The following ST7L variants were observed in gnomAD, a reference collection of about 807,000 sequenced individuals.
ST7L encodes suppression of tumorigenicity 7 like, also known as suppressor of tumorigenicity 7 protein-like.
Under a neutral mutation model 72.5 loss-of-function variants are expected in ST7L, and 57 were observed. The ratio of observed to expected loss-of-function variants is 0.79; its 90% CI spans 0.64 to 0.98. ST7L has a LOEUF of 0.98. Ranked by LOEUF, ST7L falls within the 50% of genes least tolerant of loss-of-function variation. The pLI is 0.00. For synonymous variants in ST7L, 221 were observed against 240.9 expected, an observed-to-expected ratio of 0.92 and a Z score of 0.77; for missense variants, 576 against 672.2, an observed-to-expected ratio of 0.86 and a Z score of 1.58.
At chr1:112,538,825 T>G (rs1463807023) in intron 14 of ST7L, among the ~76,000 whole-genome samples, 1 of 152,218 alleles carries the variant, frequency 6.6e-6, no homozygotes, top group Non-Finnish European at 1.5e-5. Flanking sequence ...CAGCTAACAC[T>G]CACCTAGTTT....
chr1:112,532,215 A>G (rs958812900), intron 14 of ST7L, among the ~76,000 whole-genome samples: 1 of 152,240 alleles, frequency 6.6e-6, no homozygotes, highest in African/African-American at 2.4e-5. Context: ...TGAATTATGC[A>G]TAAGATTAGT....
intron 8 of ST7L, 117 bp from the exon 9 acceptor site, chr1:112,582,223 C>G (rs756412902): frequency 1.7e-5 from 16 of 916,314 alleles, no homozygotes; most frequent in Non-Finnish European, 2.7e-5. Flanking sequence ...GAAGACCTAA[C>G]CCTTAAGAAA....
chr1:112,557,499 G>A (rs1320651632), intron 11 of ST7L, among the ~76,000 whole-genome samples: 5 of 152,178 alleles, frequency 3.3e-5, no homozygotes, highest in Admixed American at 3.3e-4. Flanking sequence ...TCAACTGACA[G>A]ATATTTGGTT....
downstream of ST7L, among the ~76,000 whole-genome samples, chr1:112,519,269 A>G (rs972915305): frequency 1.3e-5 from 2 of 152,238 alleles, no homozygotes; most frequent in South Asian, 2.1e-4. Flanking sequence ...ATGAATATGT[A>G]TATTATAAAA....
intron 13 of ST7L, among the ~76,000 whole-genome samples, chr1:112,546,436 C>T (rs533989945): frequency 6.6e-6 from 1 of 151,988 alleles, no homozygotes; most frequent in East Asian, 1.9e-4. Flanking sequence ...TCAAGTTTGG[C>T]CACATGGTTG....
At chr1:112,615,183 A>T (rs1408986371) in intron 2 of ST7L, among the ~76,000 whole-genome samples, 1 of 151,976 alleles carries the variant, frequency 6.6e-6, no homozygotes, top group Non-Finnish European at 1.5e-5. Context: ...TTTTGAAGAG[A>T]CAGGGTTTTT....
chr1:112,618,821 G>A, intron 1 of ST7L, 88 bp downstream of exon 1: 4 of 1,508,720 alleles, frequency 2.7e-6, no homozygotes, highest in Middle Eastern at 1.9e-4. Context: ...GGCCCTCTAG[G>A]ACTACCGAGA....
chr1:112,582,010 C>T lies in ST7L; in HGVS notation c.1051G>A (p.Val351Ile), dbSNP rs754973633. ...ELQAYPDVQAVLAKYDDISLP... is the reference protein window; with the variant it reads ...ELQAYPDVQAILAKYDDISLP... ...GACTCACCATCATATTTTGCTAGGA[C>T]TGCCTGAACATCTGGATAGGCCTGT... The change falls in exon 9 of 15, where the codon GTC becomes ATC. Residue 351 changes from valine to isoleucine, a missense_variant. Around this residue, in one of 3 missense-constraint regions of ST7L, gnomAD observed 511 missense variants for 600.7 expected, o/e 0.85. Coordinates refer to ENST00000358039, the MANE Select transcript of ST7L (RefSeq NM_017744.5). 1.9e-6 allele frequency: 3 copies of T among 1,609,878 alleles called. No homozygotes were observed. The highest frequency in any genetic ancestry group is 2.2e-5 in the East Asian group (1 of 44,748).
intron 1 of ST7L, chr1:112,618,652 A>C: frequency 1.6e-6 from 1 of 632,946 alleles, no homozygotes. Context: ...ATAGCTTGTC[A>C]GGTGGCTTTT....
Position 112,616,060 on chromosome 1 carries a change from T to C in ST7L, c.288+753A>G, listed in dbSNP as rs912518920. Among the ~76,000 whole-genome samples, 21 of 152,226 alleles carry C rather than the reference T, an allele frequency of 1.4e-4. No homozygotes were observed. The South Asian group carries it at 3.5e-3, about 26-fold the overall frequency. Reference sequence around the variant, plus strand: ...CCTGTCTGGGTTCTCTTTAAATCATTTGAAAAATTGAAAAACCTGGTAATA... The same window carrying C: ...CCTGTCTGGGTTCTCTTTAAATCATCTGAAAAATTGAAAAACCTGGTAATA... On this transcript the variant is annotated intron_variant, in intron 2 of 14. Transcript: ENST00000358039.
chr1:112,614,406 T>TA (rs1460109841), intron 2 of ST7L, among the ~76,000 whole-genome samples: 1 of 152,226 alleles, frequency 6.6e-6, no homozygotes, highest in Non-Finnish European at 1.5e-5. Context: ...CGTCTTTACT[T>TA]AGACTTTTGT....
At chr1:112,543,204 A>G (rs1656456809) in intron 13 of ST7L, among the ~76,000 whole-genome samples, 1 of 152,186 alleles carries the variant, frequency 6.6e-6, no homozygotes, top group African/African-American at 2.4e-5. Flanking sequence ...TAATAATTTT[A>G]CCCAGTTATT....
chr1:112,537,044 G>A (rs1370482818), intron 14 of ST7L, among the ~76,000 whole-genome samples: 1 of 151,674 alleles, frequency 6.6e-6, no homozygotes, highest in Non-Finnish European at 1.5e-5. Context: ...TACCCAGGCT[G>A]GAGTGCAGCG....
chr1:112,520,246 A>G (rs1652794950), downstream of ST7L: 2 of 1,590,248 alleles, frequency 1.3e-6, no homozygotes, highest in East Asian at 4.5e-5. Context: ...TGAAGAGATA[A>G]CTTTGTTCTC....
Position 112,610,996 on chromosome 1 carries a change from T to G in ST7L, c.296A>C (p.Glu99Ala). ...GCCATGCTTATGGAAGTACCACCAT[T>G]CAAATATCTATGACAAACAGAAAAT... is the stretch of plus-strand genomic sequence containing the variant. ...SLISGLIFIF[E>A]WWYFHKHGTS... is the part of the protein sequence containing the mutation. Residue 99 changes from glutamate (E) to alanine (A), a missense_variant, in exon 3 of 15, where the codon GAA (glutamate) becomes GCA (alanine). Physicochemically the swap from Glu to Ala is moderately radical, Grantham distance 107. Coordinates refer to ENST00000358039, the MANE Select transcript of ST7L (RefSeq NM_017744.5). 1 of 1,613,776 alleles carries G rather than the reference T, an allele frequency of 6.2e-7. No homozygotes were observed. The highest frequency in any genetic ancestry group is 8.5e-7 in the Non-Finnish European group (1 of 1,179,962).
chr1:112,549,183 AGGAGTTT>A (rs1657675634), intron 13 of ST7L, among the ~76,000 whole-genome samples: 1 of 152,148 alleles, frequency 6.6e-6, no homozygotes, highest in Admixed American at 6.5e-5. Flanking sequence ...GCTTGACCCC[AGGAGTTT>A]GCAACCAGCC....
At chr1:112,612,491 T>C (rs1279921619) in intron 2 of ST7L, among the ~76,000 whole-genome samples, 2 of 152,202 alleles carry the variant, frequency 1.3e-5, no homozygotes, top group African/African-American at 2.4e-5. Context: ...GAATGTTATT[T>C]TTTTGCTTCA....
chr1:112,526,768 A>C (rs933800468), intron 14 of ST7L: 10 of 151,736 alleles, frequency 6.6e-5, no homozygotes, highest in Admixed American at 6.6e-4. Flanking sequence ...GGTATGTATT[A>C]GAATTTTCTT....
At chr1:112,596,794 T>G (rs1360949682) in intron 5 of ST7L, among the ~76,000 whole-genome samples, 1 of 152,090 alleles carries the variant, frequency 6.6e-6, no homozygotes, top group African/African-American at 2.4e-5. Flanking sequence ...CCCACCATCA[T>G]GCCCAGCTAA....
Sources: gnomAD v4.1 joint callset for allele counts (sites outside exome capture counted in the v4.1 genomes callset) on GRCh38, gnomAD v4.1.1 for gene constraint, gnomAD v4.1.1 regional missense constraint, MANE v1.5 for transcripts, NCBI Gene and HGNC (gene_info 2026-07-23, HGNC 2026-07-21) for gene names.